Variants in KAZN observed in about 807,000 individuals in gnomAD.
KAZN encodes the protein kazrin.
A neutral mutation model predicts 87.4 loss-of-function variants in KAZN; 40 were observed. The observed-to-expected ratio is 0.46, with a 90% CI of 0.36 to 0.60. The LOEUF is 0.60. Ranked by LOEUF, KAZN falls within the 20% of genes least tolerant of loss-of-function variation. The pLI, the probability that KAZN is intolerant of heterozygous loss-of-function variation, is 0.00. For synonymous variants in KAZN, 466 were observed against 458.3 expected, an observed-to-expected ratio of 1.02 and a Z score of -0.22; for missense variants, 898 against 1,073.9, an observed-to-expected ratio of 0.84 and a Z score of 2.29.
chr1:14,643,473 T>C (rs1203709821), intron 1 of KAZN, among the ~76,000 whole-genome samples: 1 of 152,150 alleles, frequency 6.6e-6, no homozygotes, highest in Admixed American at 6.5e-5. Context: ...CCTCCAGCTC[T>C]ATCTATGTTC....
intron 1 of KAZN, among the ~76,000 whole-genome samples, chr1:14,665,911 A>G (rs1240602935): frequency 6.8e-6 from 1 of 147,472 alleles, no homozygotes; most frequent in Non-Finnish European, 1.5e-5. Context: ...TTTGGAGGCT[A>G]CAAGAAGGAG....
intron 1 of KAZN, among the ~76,000 whole-genome samples, chr1:14,649,523 T>G (rs1681064434): frequency 6.6e-6 from 1 of 152,240 alleles, no homozygotes; most frequent in Admixed American, 6.5e-5. Context: ...GTTCACATTT[T>G]ACTCATTACA....
intron 2 of KAZN, among the ~76,000 whole-genome samples, chr1:14,523,746 T>C (rs1052901364): frequency 2.0e-5 from 3 of 152,302 alleles, no homozygotes; most frequent in Middle Eastern, 3.4e-3. Context: ...GTTGATCCGA[T>C]GGTACATGAA....
intron 1 of KAZN, among the ~76,000 whole-genome samples, chr1:14,878,397 G>A (rs1049215510): frequency 6.6e-6 from 1 of 151,734 alleles, no homozygotes; most frequent in Non-Finnish European, 1.5e-5. Context: ...AACCAAAAAT[G>A]TCTCCAGACA....
chr1:14,033,376 G>A (rs1020296494), intron 1 of KAZN, among the ~76,000 whole-genome samples: 1 of 152,196 alleles, frequency 6.6e-6, no homozygotes, highest in African/African-American at 2.4e-5. Context: ...AGGAGGCTCT[G>A]AATGCCACAG....
Position 14,117,291 on chromosome 1 carries a change from A to G in KAZN, c.92-63144A>G, listed in dbSNP as rs541497070. Among the ~76,000 whole-genome samples the G allele has an allele frequency of 2.0e-5, 3 of 152,186 alleles. No homozygotes were observed. The South Asian group carries it at 6.2e-4, about 32-fold the overall frequency. On this transcript the variant is annotated intron_variant, in intron 1 of 16. Transcript: ENST00000636203. The stretch of plus-strand genomic sequence containing the variant: ...GGAAGGATCTGGTGGGAGGTAATTG[A>G]ATCATGGGGGCAGGTCTTTCCCGTG...
chr1:14,877,163 C>T (rs1334298040), intron 1 of KAZN, among the ~76,000 whole-genome samples: 4 of 152,182 alleles, frequency 2.6e-5, no homozygotes, highest in Admixed American at 1.3e-4. Context: ...CTCGGACTCT[C>T]TTGGACTCTC....
intron 3 of KAZN, among the ~76,000 whole-genome samples, 169 bp downstream of exon 3, chr1:15,035,054 C>T (rs1000344501): frequency 1.3e-5 from 2 of 152,024 alleles, no homozygotes; most frequent in Admixed American, 6.6e-5. Flanking sequence ...GCACAACCCC[C>T]GGAGAGGGAT....
intron 1 of KAZN, among the ~76,000 whole-genome samples, chr1:14,042,095 T>C (rs1641862436): frequency 6.6e-6 from 1 of 152,174 alleles, no homozygotes; most frequent in Admixed American, 6.5e-5. Flanking sequence ...CTACTACTTA[T>C]TGTTTTCTCT....
At chr1:14,936,575 C>G (rs532616177) in intron 1 of KAZN, among the ~76,000 whole-genome samples, 1 of 152,296 alleles carries the variant, frequency 6.6e-6, no homozygotes, top group African/African-American at 2.4e-5. Context: ...ACCCTCCCAG[C>G]AGTTAAGGCC....
intron 2 of KAZN, among the ~76,000 whole-genome samples, chr1:14,964,944 T>C (rs568233247): frequency 7.2e-5 from 11 of 152,220 alleles, no homozygotes; most frequent in African/African-American, 2.6e-4. Flanking sequence ...TGGAAATGAG[T>C]GTGGGAATAT....
intron 1 of KAZN, among the ~76,000 whole-genome samples, chr1:14,721,208 T>C (rs796622283): frequency 6.3e-4 from 96 of 152,238 alleles, no homozygotes; most frequent in African/African-American, 2.2e-3. Context: ...AGGGACCCAA[T>C]GGGAGGTAAT....
chr1:15,024,460 A>G (rs865794861), intron 2 of KAZN, among the ~76,000 whole-genome samples: 12 of 152,384 alleles, frequency 7.9e-5, no homozygotes, highest in Middle Eastern at 3.4e-3. Flanking sequence ...GGAGAGGGAC[A>G]TGGGATCAAA....
Position 14,900,431 on chromosome 1 carries a change from G to C in KAZN, c.227-60253G>C, listed in dbSNP as rs565428428. Among the ~76,000 whole-genome samples, 23 of 152,220 alleles carry C rather than the reference G, an allele frequency of 1.5e-4. No homozygotes were observed. In the East Asian group the frequency reaches 4.3e-3, roughly 28 times the overall value. ...GCACAAGAGTGGTAATGACCCCATA[G>C]GGTCATCAGAAGGATCGTATGCCTG... is the stretch of plus-strand genomic sequence containing the variant. On this transcript the variant is annotated intron_variant, in intron 1 of 14. Transcript: ENST00000376030.
In KAZN at chr1:14,996,725, TC is replaced by T. The variant is rs1667903449; in HGVS notation, c.418+35853del. On this transcript the variant is annotated intron_variant, in intron 2 of 14. Transcript: ENST00000376030. This position sits in a 1 kb window ranked among gnomAD's most constrained non-coding sequence, Gnocchi z 5.9. ...CCATTCTTCCCTCACTGCCGGCCTC[TC>T]CCAGTCCCCAGGAGAAAGGGCTGAT... is the stretch of plus-strand genomic sequence containing the variant. Among the ~76,000 whole-genome samples the T allele has an allele frequency of 6.6e-6, 1 of 152,118 alleles. No homozygotes were observed. Among genetic ancestry groups the T allele is most frequent in the African/African-American group, 2.4e-5 (1 of 41,424 alleles).
At chr1:14,885,586 G>T (rs1006551487) in intron 1 of KAZN, among the ~76,000 whole-genome samples, 2 of 151,982 alleles carry the variant, frequency 1.3e-5, no homozygotes, top group Non-Finnish European at 2.9e-5. Context: ...AGGTTCAAGC[G>T]ATCCTCCCAC....
intron 1 of KAZN, among the ~76,000 whole-genome samples, chr1:14,855,777 A>G (rs1650027903): frequency 6.6e-6 from 1 of 152,246 alleles, no homozygotes; most frequent in Non-Finnish European, 1.5e-5. Flanking sequence ...GCTCAAGTGC[A>G]CATGGGGAAT....
chr1:15,110,161 G>A (rs1176297146), intron 13 of KAZN, among the ~76,000 whole-genome samples: 5 of 145,340 alleles, frequency 3.4e-5, no homozygotes, highest in African/African-American at 9.9e-5. Flanking sequence ...GTGTGCATAT[G>A]TGTTTGTGTG....
intron 2 of KAZN, among the ~76,000 whole-genome samples, chr1:14,334,757 T>C (rs1461489431): frequency 6.6e-6 from 1 of 152,206 alleles, no homozygotes; most frequent in Admixed American, 6.5e-5. Context: ...CCCTGTCACA[T>C]GGACCCTTTT....
Sources: allele counts gnomAD v4.1 joint callset (sites outside exome capture counted in the v4.1 genomes callset), GRCh38; gene constraint gnomAD v4.1.1; non-coding constraint Gnocchi (gnomAD v3.1); transcripts MANE v1.5; gene names NCBI Gene and HGNC (gene_info 2026-07-23, HGNC 2026-07-21).